Variants in RGS21 observed in about 807,000 individuals in gnomAD.
RGS21 encodes the protein regulator of G protein signaling 21.
A neutral mutation model predicts 18.7 loss-of-function variants in RGS21; 19 were observed. The ratio of observed to expected loss-of-function variants is 1.01; its 90% CI spans 0.71 to 1.49. The LOEUF is 1.49. Ranked by LOEUF, RGS21 falls within the 40% of genes most tolerant of loss-of-function variation. RGS21 has a pLI of 0.00. For synonymous variants in RGS21, 56 were observed against 57.8 expected, an observed-to-expected ratio of 0.97 and a Z score of 0.14; for missense variants, 194 against 176.8, an observed-to-expected ratio of 1.10 and a Z score of -0.55.
intron 1 of RGS21, among the ~76,000 whole-genome samples, chr1:192,337,135 C>T (rs1029052855): frequency 6.6e-6 from 1 of 151,898 alleles, no homozygotes; most frequent in African/African-American, 2.4e-5. Flanking sequence ...GTAATAGACA[C>T]ATATAGCTTA....
Position 192,348,023 on chromosome 1 carries a change from T to TATGTA in RGS21, c.88+634_88+635insATGTA, listed in dbSNP as rs1491172539. On this transcript the variant is annotated intron_variant, in intron 3 of 4. Coordinates refer to ENST00000417209, the MANE Select transcript of RGS21 (RefSeq NM_001039152.3). The stretch of plus-strand genomic sequence containing the variant: ...ACATACACATACATATATATATGTA[T>TATGTA]TTTTTTTTTTTTTGAGACGGAGTCT... 8.4e-3 allele frequency among the ~76,000 whole-genome samples: 1,173 copies of TATGTA among 139,194 alleles called. 13 individuals carry two copies. Among genetic ancestry groups the TATGTA allele is most frequent in the African/African-American group, 0.027 (977 of 36,550 alleles). The allele number at this position is 139,194 out of a possible 152,430, so 91.3% of individuals were successfully genotyped here.
At chr1:192,339,675 G>A (rs902492256) in intron 1 of RGS21, among the ~76,000 whole-genome samples, 1 of 151,838 alleles carries the variant, frequency 6.6e-6, no homozygotes, top group African/African-American at 2.4e-5. Context: ...AGCCACCCTT[G>A]TTCTCTCGTG....
intron 4 of RGS21, among the ~76,000 whole-genome samples, chr1:192,353,898 C>T (rs1659078329): frequency 6.6e-6 from 1 of 151,492 alleles, no homozygotes; most frequent in South Asian, 2.1e-4. Flanking sequence ...CTTGAAGTGT[C>T]TCTAAAAATG....
intron 1 of RGS21, among the ~76,000 whole-genome samples, chr1:192,317,448 A>T (rs1447335466): frequency 6.8e-6 from 1 of 148,122 alleles, no homozygotes; most frequent in Non-Finnish European, 1.5e-5. Context: ...AAGAAATGTA[A>T]AAAAAAAAAA....
At chr1:192,333,228 T>A (rs1368662356) in intron 1 of RGS21, among the ~76,000 whole-genome samples, 1 of 151,256 alleles carries the variant, frequency 6.6e-6, no homozygotes, top group Non-Finnish European at 1.5e-5. Context: ...AGGTAGCATA[T>A]AAAGTGATTG....
chr1:192,337,510 G>A (rs1263143735), intron 1 of RGS21, among the ~76,000 whole-genome samples: 1 of 151,786 alleles, frequency 6.6e-6, no homozygotes, highest in East Asian at 1.9e-4. Context: ...ACTCTGCCTT[G>A]CATATTTTTG....
At chr1:192,362,678 T>G (rs75153293) in intron 4 of RGS21, among the ~76,000 whole-genome samples, 1,756 of 152,284 alleles carry the variant, frequency 0.012, 20 homozygotes, top group Middle Eastern at 0.061. Flanking sequence ...CAATTGCTGA[T>G]GCTGGCAGTT....
At position 192,352,090 on chromosome 1, in the gene RGS21, T is replaced by C; in HGVS notation, c.132T>C (p.Ser44=). ...AFRIFLKSEF[S]EENVEFWLAC... The stretch of plus-strand genomic sequence containing the variant: ...GAATATTTCTAAAATCAGAGTTTAG[T>C]GAAGAAAATGTTGAGTTCTGGCTTG... Residue 44 remains serine (S), a synonymous_variant, in exon 4 of 5, where the codon AGT becomes AGC. Transcript: ENST00000417209. The C allele has an allele frequency of 5.0e-6, 8 of 1,604,040 alleles. No homozygotes were observed. The highest frequency in any genetic ancestry group is 6.8e-6 in the Non-Finnish European group (8 of 1,176,592).
Position 192,352,187 on chromosome 1 carries a change from T to G in RGS21, c.229T>G (p.Phe77Val). 1 of 1,609,438 alleles carries G rather than the reference T, an allele frequency of 6.2e-7. No individual in the cohort carries two copies. Among genetic ancestry groups the G allele is most frequent in the Non-Finnish European group, 8.5e-7 (1 of 1,177,938 alleles). ...ASKAKMIYSE[F>V]IEADAPKEIN... is the part of the protein sequence containing the mutation. ...CAAAGCCAAGATGATTTATTCTGAA[T>G]TCATTGAAGCTGATGCACCTAAAGA... Residue 77 changes from phenylalanine (F) to valine (V), a missense_variant, in exon 4 of 5, where the codon TTC becomes GTC. By Grantham distance (50) the Phe-to-Val change is conservative. Coordinates refer to ENST00000417209, the MANE Select transcript of RGS21 (RefSeq NM_001039152.3).
At chr1:192,343,816 A>AGCCAGACAAAACT (rs1658908385) in intron 2 of RGS21, among the ~76,000 whole-genome samples, 1 of 152,126 alleles carries the variant, frequency 6.6e-6, no homozygotes, top group African/African-American at 2.4e-5. Context: ...AAATGAAAAG[A>AGCCAGACAAAACT]GCCAGACAAA....
At chr1:192,338,974 C>A (rs1038141615) in intron 1 of RGS21, among the ~76,000 whole-genome samples, 1 of 151,958 alleles carries the variant, frequency 6.6e-6, no homozygotes, top group Non-Finnish European at 1.5e-5. Context: ...AGTTATGCAA[C>A]CCTAAGCAAG....
At chr1:192,334,582 T>G (rs75085833) in intron 1 of RGS21, among the ~76,000 whole-genome samples, 3,249 of 152,140 alleles carry the variant, frequency 0.021, 68 homozygotes, top group South Asian at 0.056. Flanking sequence ...AATTGTGTTG[T>G]AATATATGTA....
At position 192,342,998 on chromosome 1, in the gene RGS21, G is replaced by A. The variant is rs376107617; in HGVS notation, c.-39G>A. 7 of 1,610,224 alleles carry A rather than the reference G, an allele frequency of 4.3e-6. No individual in the cohort carries two copies. The highest frequency in any genetic ancestry group is 5.9e-6 in the Non-Finnish European group (7 of 1,176,828). ...TCAGCTTGAAGATCAGTCAGAAAGA[G>A]AAACTCGGCATCATCTGTGACAGAC... On this transcript the variant is annotated 5_prime_UTR_variant, in exon 2 of 5. Transcript: ENST00000417209.
chr1:192,320,569 T>C (rs1343326141), intron 1 of RGS21, among the ~76,000 whole-genome samples: 1 of 152,022 alleles, frequency 6.6e-6, no homozygotes, highest in East Asian at 1.9e-4. Flanking sequence ...TATGTGTATG[T>C]GTGAGGATGT....
intron 1 of RGS21, among the ~76,000 whole-genome samples, chr1:192,338,933 A>C: frequency 6.6e-6 from 1 of 151,896 alleles, no homozygotes; most frequent in East Asian, 1.9e-4. Flanking sequence ...AGTTGCCCCC[A>C]CTCAGTCTTG....
chr1:192,320,675 C>T (rs922365541), intron 1 of RGS21, among the ~76,000 whole-genome samples: 1 of 151,968 alleles, frequency 6.6e-6, no homozygotes, highest in Admixed American at 6.6e-5. Context: ...TTGAACATGA[C>T]TTTTATGATT....
At chr1:192,323,301 A>G (rs1291121735) in intron 1 of RGS21, among the ~76,000 whole-genome samples, 1 of 152,134 alleles carries the variant, frequency 6.6e-6, no homozygotes, top group Non-Finnish European at 1.5e-5. Flanking sequence ...AGGCAACTAC[A>G]TAATCTCAGA....
intron 1 of RGS21, among the ~76,000 whole-genome samples, chr1:192,322,547 C>A (rs920870965): frequency 6.6e-6 from 1 of 151,958 alleles, no homozygotes; most frequent in Non-Finnish European, 1.5e-5. Flanking sequence ...TTCTAATAAC[C>A]CATTTTGTGT....
chr1:192,342,138 G>A (rs1658880400), intron 1 of RGS21, among the ~76,000 whole-genome samples: 1 of 151,906 alleles, frequency 6.6e-6, no homozygotes, highest in Admixed American at 6.6e-5. Context: ...TCTTTTGACT[G>A]CTTTCTTTCT....
Sources: gnomAD v4.1 joint callset for allele counts (sites outside exome capture counted in the v4.1 genomes callset) on GRCh38, gnomAD v4.1.1 for gene constraint, MANE v1.5 for transcripts, NCBI Gene and HGNC (gene_info 2026-07-23, HGNC 2026-07-21) for gene names.